The following AHCY variants were observed in gnomAD, a reference collection of about 807,000 sequenced individuals.
AHCY encodes S-adenosyl-L-homocysteine hydrolase.
AHCY carries 24 observed loss-of-function variants against 45.4 expected under a neutral mutation model. That is an observed-to-expected ratio of 0.53 (90% confidence interval 0.38 to 0.74). The LOEUF (loss-of-function observed/expected upper bound fraction) is 0.74, where lower values mean the gene tolerates loss of function less well. AHCY is among the 30% of genes least tolerant of loss of function. The pLI, the probability that AHCY is intolerant of heterozygous loss-of-function variation, is 0.00. For missense variants in AHCY, 449 were observed against 594.1 expected, an observed-to-expected ratio of 0.76 and a Z score of 2.54; for synonymous variants, 245 against 235.1, an observed-to-expected ratio of 1.04 and a Z score of -0.39.
At chr20:34,272,152 T>C in the AHCY span, among the ~76,000 whole-genome samples, 1 of 152,170 alleles carries the variant, frequency 6.6e-6, no homozygotes, top group African/African-American at 2.4e-5. Flanking sequence ...GTCCTTGCAC[T>C]GGACCATTCA....
chr20:34,285,739 C>A, intron 8 of AHCY, 105 bp from the exon 9 acceptor site: 1 of 1,231,304 alleles, frequency 8.1e-7, no homozygotes, highest in Non-Finnish European at 1.2e-6. Flanking sequence ...CATGAGGAGT[C>A]CGAACTGCTC....
intron 1 of AHCY, chr20:34,311,364 T>C (rs1391372833): frequency 1.3e-5 from 2 of 152,276 alleles, no homozygotes; most frequent in Non-Finnish European, 2.9e-5. Context: ...GGACGTTAAC[T>C]GTTGATGTCC....
intron 8 of AHCY, among the ~76,000 whole-genome samples, chr20:34,289,138 G>A (rs1231336273): frequency 6.6e-6 from 1 of 151,998 alleles, no homozygotes; most frequent in Admixed American, 6.6e-5. Context: ...CGAGTAGCTG[G>A]GATTACAGGC....
At chr20:34,274,466 C>T in the AHCY span, among the ~76,000 whole-genome samples, 1 of 152,160 alleles carries the variant, frequency 6.6e-6, no homozygotes, top group African/African-American at 2.4e-5. Flanking sequence ...GCAAGAGACT[C>T]GGCCCAAGAG....
rs1255287886 is a variant in AHCY at position 34,280,923 on chromosome 20, G to C, written c.*111C>G. On this transcript the variant is annotated 3_prime_UTR_variant, in exon 10 of 10. Transcript: ENST00000217426. ...ACTAAGTGATCAGCCCCAGAGAGTC[G>C]ATGGGGGACACTGACAAACCAATCA... 6.7e-7 allele frequency: 1 copy of C among 1,500,658 alleles called. No homozygotes were observed. Among genetic ancestry groups the C allele is most frequent in the Non-Finnish European group, 9.1e-7 (1 of 1,100,494 alleles). The allele number at this position is 1,500,658 out of a possible 1,614,324, so 93.0% of individuals were successfully genotyped here.
chr20:34,253,574 C>T, the AHCY span, among the ~76,000 whole-genome samples: 1 of 151,758 alleles, frequency 6.6e-6, no homozygotes, highest in Non-Finnish European at 1.5e-5. Context: ...CCGGTTCAAG[C>T]GATTCTTCTG....
intron 1 of AHCY, chr20:34,302,306 G>T (rs1324417219): frequency 6.5e-6 from 1 of 153,540 alleles, no homozygotes; most frequent in Non-Finnish European, 1.4e-5. Flanking sequence ...CGGTCCAATA[G>T]TGTCAAAGTT....
rs377581565 is a variant in AHCY at position 34,281,154 on chromosome 20, T to C, written c.1179A>G (p.Ala393=). The C allele has an allele frequency of 1.9e-6, 3 of 1,613,396 alleles. No homozygotes were observed. The African/African-American group carries it at 4.0e-5, about 22-fold the overall frequency. The change falls in exon 10 of 10, where the codon GCA becomes GCG. Residue 393 remains alanine, a synonymous_variant. Transcript: ENST00000217426. ...VHFLPKKLDE[A]VAEAHLGKLN... ...GCTTGCCCAGGTGGGCTTCAGCCAC[T>C]GCCTCATCCAGCTGGGGAGAAACAA...
upstream of AHCY, among the ~76,000 whole-genome samples, chr20:34,303,931 C>G (rs148188100): frequency 2.1e-4 from 32 of 152,200 alleles, no homozygotes; most frequent in African/African-American, 7.0e-4. Context: ...GCCTGGAGAT[C>G]GAGGCTGCAG....
At chr20:34,246,237 G>A in the AHCY span, 1 of 1,513,906 alleles carries the variant, frequency 6.6e-7, no homozygotes, top group Non-Finnish European at 8.9e-7. Flanking sequence ...TGTTTTATTT[G>A]GCCTCTTCCA....
At chr20:34,259,694 G>A in the AHCY span, among the ~76,000 whole-genome samples, 11 of 151,866 alleles carry the variant, frequency 7.2e-5, no homozygotes, top group East Asian at 1.9e-3. Flanking sequence ...AGGTTGCAGT[G>A]AGCCGAGATT....
upstream of AHCY, among the ~76,000 whole-genome samples, chr20:34,306,609 T>C (rs2036899156): frequency 6.6e-6 from 1 of 152,174 alleles, no homozygotes; most frequent in Admixed American, 6.5e-5. Context: ...CATCAAGTGA[T>C]CCTCCCGCCT....
intron 1 of AHCY, chr20:34,301,718 C>T (rs527774419): frequency 1.1e-3 from 780 of 735,102 alleles, no homozygotes; most frequent in Non-Finnish European, 1.2e-3. Flanking sequence ...TATGACAAGC[C>T]CCCATTCCAG....
intron 3 of AHCY, among the ~76,000 whole-genome samples, chr20:34,293,030 A>C (rs2036452037): frequency 7.1e-6 from 1 of 140,034 alleles, no homozygotes; most frequent in South Asian, 2.4e-4. Context: ...AATCTCAGGC[A>C]AAGTCTGGCC....
intron 1 of AHCY, chr20:34,302,021 G>A (rs746460110): frequency 9.4e-6 from 8 of 850,506 alleles, no homozygotes; most frequent in African/African-American, 1.8e-5. Context: ...TTTTTTTTGA[G>A]ACAGGGTCTT....
At chr20:34,308,852 C>T (rs2036920417) in intron 1 of AHCY, among the ~76,000 whole-genome samples, 1 of 151,890 alleles carries the variant, frequency 6.6e-6, no homozygotes, top group Admixed American at 6.6e-5. Flanking sequence ...CGGGGTTTCA[C>T]CATGTTGGTC....
chr20:34,248,758 C>CCATT, the AHCY span, among the ~76,000 whole-genome samples: 1 of 151,932 alleles, frequency 6.6e-6, no homozygotes, highest in Non-Finnish European at 1.5e-5. Context: ...TATGGTCTTG[C>CCATT]CATTGCCTTC....
chr20:34,259,214 A>G, the AHCY span, among the ~76,000 whole-genome samples: 2 of 151,126 alleles, frequency 1.3e-5, no homozygotes, highest in Non-Finnish European at 2.9e-5. Flanking sequence ...TCTCAAAACA[A>G]ACAATGACAA....
intron 2 of AHCY, among the ~76,000 whole-genome samples, chr20:34,294,894 C>T (rs1034243264): frequency 2.7e-4 from 41 of 152,160 alleles, no homozygotes. Context: ...AGGACTCAGC[C>T]CTGAGCCCCT....
Sources: allele counts gnomAD v4.1 joint callset (sites outside exome capture counted in the v4.1 genomes callset), GRCh38; gene constraint gnomAD v4.1.1; transcripts MANE v1.5; gene names NCBI Gene and HGNC (gene_info 2026-07-23, HGNC 2026-07-21).